The following NEBL variants were observed in gnomAD, a reference collection of about 807,000 sequenced individuals.
NEBL encodes nebulette, also known as LIM and SH3 protein 2.
Under a neutral mutation model 140.2 loss-of-function variants are expected in NEBL, and 122 were observed. That is an observed-to-expected ratio of 0.87 (90% confidence interval 0.75 to 1.01). NEBL has a LOEUF of 1.01. NEBL is among the 50% of genes least tolerant of loss of function. NEBL has a pLI of 0.00. For synonymous variants in NEBL, 436 were observed against 398.9 expected (o/e 1.09, Z -1.11); for missense variants, 1,365 against 1,231.3 (o/e 1.11, Z -1.62).
intron 24 of NEBL, among the ~76,000 whole-genome samples, chr10:20,811,795 T>C (rs942351988): frequency 1.3e-5 from 2 of 152,192 alleles, no homozygotes; most frequent in Non-Finnish European, 2.9e-5. Flanking sequence ...ACCAAAAATA[T>C]TCTTTAAGCT....
chr10:21,191,691 A>T (rs1841576803), intron 3 of NEBL, among the ~76,000 whole-genome samples: 1 of 152,230 alleles, frequency 6.6e-6, no homozygotes, highest in African/African-American at 2.4e-5. Flanking sequence ...AGGCTTTAAC[A>T]ATAGGTACAT....
Position 20,823,292 on chromosome 10 carries a change from G to A in NEBL, c.1878C>T (p.Tyr626=), listed in dbSNP as rs551329782. The A allele has an allele frequency of 1.4e-5, 22 of 1,601,684 alleles. No individual in the cohort carries two copies. The African/African-American group carries it at 1.6e-4, about 12-fold the overall frequency. The change falls in exon 19 of 28, where the codon TAC becomes TAT. Residue 626 remains tyrosine (Y), a synonymous_variant. Coordinates refer to ENST00000377122, the MANE Select transcript of NEBL (RefSeq NM_006393.3). The stretch of plus-strand genomic sequence containing the variant: ...CTGTTGCATGTTTAATCTCTTCTTT[G>A]TATTTCACCTGCATAATTTATAAGA... ...KNQQNISSVK[Y]KEEIKHATAI...
chr10:20,947,567 G>A (rs1032777415), intron 4 of NEBL, among the ~76,000 whole-genome samples: 3 of 151,954 alleles, frequency 2.0e-5, no homozygotes, highest in Non-Finnish European at 2.9e-5. Context: ...AGTAATAATC[G>A]ATGGAGTAAT....
At position 21,228,068 on chromosome 10, in the gene NEBL, C is replaced by T. The variant is rs188981035; in HGVS notation, n.348+19853G>A. On this transcript the variant is annotated intron_variant and non_coding_transcript_variant, in intron 3 of 8. Coordinates refer to the NEBL transcript ENST00000675702. ...CCATATGAAGGAGTATTTTCTTCAA[C>T]TTGGCTTACTTGAAGTTCAAAAAAG... 3.0e-3 allele frequency among the ~76,000 whole-genome samples: 459 copies of T among 151,662 alleles called. 5 individuals carry two copies. The highest frequency in any genetic ancestry group is 5.0e-3 in the Non-Finnish European group (337 of 67,932).
intron 1 of NEBL, among the ~76,000 whole-genome samples, chr10:21,290,294 T>G (rs1843124672): frequency 6.6e-6 from 1 of 152,138 alleles, no homozygotes; most frequent in Non-Finnish European, 1.5e-5. Flanking sequence ...CACTGCAAAA[T>G]ATGATGCTCC....
At chr10:21,000,645 T>C (rs922943929) in intron 3 of NEBL, among the ~76,000 whole-genome samples, 1 of 152,084 alleles carries the variant, frequency 6.6e-6, no homozygotes, top group Admixed American at 6.6e-5. Flanking sequence ...ACTCTGAACA[T>C]TTTGAGATAG....
chr10:20,926,763 T>C (rs1473623496), intron 4 of NEBL, among the ~76,000 whole-genome samples: 2 of 152,186 alleles, frequency 1.3e-5, no homozygotes, highest in Non-Finnish European at 2.9e-5. Flanking sequence ...TGAAGAGTGA[T>C]GCTGAATAAG....
intron 1 of NEBL, among the ~76,000 whole-genome samples, chr10:21,288,556 T>A (rs1411533566): frequency 6.6e-6 from 1 of 150,608 alleles, no homozygotes; most frequent in Non-Finnish European, 1.5e-5. Flanking sequence ...AAGTCAGGAG[T>A]TCAGGACCAG....
At chr10:20,845,153 C>A (rs751641043) in intron 12 of NEBL, 105 bp downstream of exon 12, 2 of 705,356 alleles carry the variant, frequency 2.8e-6, no homozygotes, top group Non-Finnish European at 4.9e-6. Context: ...AAGAGTAATG[C>A]CTTAATATCT....
intron 2 of NEBL, among the ~76,000 whole-genome samples, chr10:21,136,572 G>A (rs1407047121): frequency 6.6e-6 from 1 of 152,174 alleles, no homozygotes; most frequent in African/African-American, 2.4e-5. Context: ...GCAGGAGAGA[G>A]GTGAACTTGT....
intron 2 of NEBL, among the ~76,000 whole-genome samples, chr10:21,140,648 TA>T (rs1267927964): frequency 7.2e-5 from 11 of 152,148 alleles, no homozygotes; most frequent in Admixed American, 6.6e-4. Flanking sequence ...TACGGTAAAA[TA>T]AAATCACACA....
intron 3 of NEBL, among the ~76,000 whole-genome samples, chr10:21,246,762 G>A (rs1042456868): frequency 1.3e-5 from 2 of 152,108 alleles, no homozygotes; most frequent in Non-Finnish European, 2.9e-5. Context: ...GAGCCCAGGA[G>A]TTTTGAGGTT....
intron 4 of NEBL, among the ~76,000 whole-genome samples, chr10:20,927,178 A>G (rs1833952769): frequency 6.6e-6 from 1 of 152,206 alleles, no homozygotes; most frequent in Admixed American, 6.5e-5. Context: ...AAGATGGGGA[A>G]TGAAGAAGAA....
chr10:21,273,176 G>A (rs1842879247), intron 1 of NEBL, among the ~76,000 whole-genome samples: 1 of 152,122 alleles, frequency 6.6e-6, no homozygotes, highest in South Asian at 2.1e-4. Flanking sequence ...AGTTTGTGGG[G>A]AGGTGAGAGT....
intron 3 of NEBL, among the ~76,000 whole-genome samples, chr10:20,980,782 G>A (rs1286098097): frequency 2.0e-5 from 3 of 152,150 alleles, no homozygotes; most frequent in Non-Finnish European, 4.4e-5. Flanking sequence ...ACAAAAGTGA[G>A]ACTGATTTTC....
chr10:21,011,761 C>T (rs1435288722), intron 3 of NEBL, among the ~76,000 whole-genome samples: 1 of 152,216 alleles, frequency 6.6e-6, no homozygotes, highest in African/African-American at 2.4e-5. Context: ...CCTGAAGACA[C>T]TTCCTTCCAT....
chr10:21,204,401 TAAG>T (rs1323452459), intron 3 of NEBL, among the ~76,000 whole-genome samples: 1 of 152,244 alleles, frequency 6.6e-6, no homozygotes, highest in Non-Finnish European at 1.5e-5. Context: ...AATGTCATTG[TAAG>T]AAGAGACAGT....
chr10:21,201,553 A>C (rs116009192), intron 3 of NEBL, among the ~76,000 whole-genome samples: 2,127 of 152,340 alleles, frequency 0.014, 55 homozygotes, highest in African/African-American at 0.049. Context: ...TATAAACACA[A>C]AACTAGCTAT....
chr10:20,920,688 A>G (rs1833540115), intron 4 of NEBL, among the ~76,000 whole-genome samples: 1 of 152,218 alleles, frequency 6.6e-6, no homozygotes, highest in African/African-American at 2.4e-5. Flanking sequence ...GGAAGGAAGA[A>G]ATGGGGAAAA....
Sources: gnomAD v4.1 joint callset for allele counts (sites outside exome capture counted in the v4.1 genomes callset) on GRCh38, gnomAD v4.1.1 for gene constraint, MANE v1.5 for transcripts, NCBI Gene and HGNC (gene_info 2026-07-23, HGNC 2026-07-21) for gene names.